Variants in CD101 observed in about 807,000 individuals in gnomAD.
The protein encoded by CD101 is immunoglobulin superfamily member 2.
Under a neutral mutation model 98.2 loss-of-function variants are expected in CD101, and 76 were observed. The observed-to-expected ratio is 0.77, with a 90% CI of 0.64 to 0.94. The LOEUF (loss-of-function observed/expected upper bound fraction) is 0.94. Among genes scored for constraint, CD101 ranks in the 40% least tolerant of loss-of-function variants. CD101 has a pLI of 0.00. For missense variants in CD101, 1,145 were observed against 1,218.8 expected (o/e 0.94, Z 0.90); for synonymous variants, 471 against 472.7 (o/e 1.00, Z 0.05).
chr1:117,014,347 C>A (rs906292056), intron 4 of CD101, among the ~76,000 whole-genome samples: 2 of 152,038 alleles, frequency 1.3e-5, no homozygotes, highest in African/African-American at 4.8e-5. Context: ...TGTTAGTCTC[C>A]TACTATGTTG....
intron 4 of CD101, among the ~76,000 whole-genome samples, chr1:117,015,251 A>T (rs1653133357): frequency 6.6e-6 from 1 of 152,224 alleles, no homozygotes; most frequent in African/African-American, 2.4e-5. Flanking sequence ...GAATATTTTA[A>T]TCACTCATTA....
At position 117,011,881 on chromosome 1, in the gene CD101, G is replaced by A. The variant is rs368602990; in HGVS notation, c.756G>A (p.Thr252=). 5.0e-6 allele frequency: 8 copies of A among 1,613,954 alleles called. No homozygotes were observed. Among genetic ancestry groups the A allele is most frequent in the Middle Eastern group, 1.6e-4 (1 of 6,084 alleles). Residue 252 remains threonine (T), a synonymous_variant, in exon 3 of 10, where the codon ACG becomes ACA. Transcript: ENST00000682167. ...AGGGTCAGCTGTTCTGTGAGGCAACGGAATGGATTCAGGATCCAGATGAAA... is the reference window on the plus strand; with the variant it reads ...AGGGTCAGCTGTTCTGTGAGGCAACAGAATGGATTCAGGATCCAGATGAAA... ...SDQGQLFCEA[T]EWIQDPDETW...
In CD101 at chr1:117,006,920, G is replaced by A. The variant is rs1652568995; in HGVS notation, c.44-2930G>A. Among the ~76,000 whole-genome samples, 1 of 152,096 alleles carries A rather than the reference G, an allele frequency of 6.6e-6. No homozygotes were observed. The highest frequency in any genetic ancestry group is 6.5e-5 in the Admixed American group (1 of 15,272). On this transcript the variant is annotated intron_variant, in intron 1 of 9. Transcript: ENST00000682167. This position sits in a 1 kb window ranked among gnomAD's most constrained non-coding sequence, Gnocchi z 4.4. ...ATTTATTGAATTGGCAAATAAAGCA[G>A]TAGAAAAAGAAGTGCGTGTTTTCAC... is the stretch of plus-strand genomic sequence containing the variant.
chr1:117,004,027 G>T lies in CD101; in HGVS notation c.43+2167G>T, dbSNP rs1158549382. The stretch of plus-strand genomic sequence containing the variant: ...GACTGAACAATCCTGATAGAAAATG[G>T]TGCCATATGAGATTAATGTCATGGG... On this transcript the variant is annotated intron_variant, in intron 1 of 9. Transcript: ENST00000682167. This position sits in a 1 kb window ranked among gnomAD's most constrained non-coding sequence, Gnocchi z 4.1. Among the ~76,000 whole-genome samples the T allele has an allele frequency of 1.3e-5, 2 of 152,034 alleles. No individual in the cohort carries two copies. The highest frequency in any genetic ancestry group is 2.4e-5 in the African/African-American group (1 of 41,370).
chr1:117,022,866 C>T lies in CD101; in HGVS notation c.2428+883C>T, dbSNP rs1653669532. ...GCAGAACAGCAGCTTGGTTTGGGGT[C>T]TCTTCCTGCCCTCTGGCTTCCCTTC... On this transcript the variant is annotated intron_variant, in intron 7 of 9. Transcript: ENST00000682167. The surrounding 1 kb of genome is among the most constrained non-coding windows in gnomAD (Gnocchi z 4.8). Among the ~76,000 whole-genome samples, 1 of 152,186 alleles carries T rather than the reference C, an allele frequency of 6.6e-6. No individual in the cohort carries two copies. Among genetic ancestry groups the T allele is most frequent in the African/African-American group, 2.4e-5 (1 of 41,438 alleles).
At position 117,001,833 on chromosome 1, in the gene CD101, T is replaced by C; in HGVS notation, c.16T>C (p.Tyr6His). 6.2e-7 allele frequency: 1 copy of C among 1,614,186 alleles called. No individual in the cohort carries two copies. The highest frequency in any genetic ancestry group is 8.5e-7 in the Non-Finnish European group (1 of 1,179,992). MAGIS[Y>H]VASFFLLLTK... is the part of the protein sequence containing the mutation. ...GCTGGCCCAAATGGCAGGCATCTCA[T>C]ATGTGGCATCTTTCTTTCTCCTTCT... Residue 6 changes from tyrosine to histidine, a missense_variant, in exon 1 of 10, where the codon TAT becomes CAT. Transcript: ENST00000682167.
chr1:117,030,515 G>A lies in CD101; in HGVS notation c.2825-3345G>A, dbSNP rs144763100. The stretch of plus-strand genomic sequence containing the variant: ...GAGAAAGGGAAAGGGGAGAAGGGAA[G>A]ATAAGGAAGTGGATTCTTGAAGGAG... On this transcript the variant is annotated intron_variant, in intron 8 of 9. Transcript: ENST00000682167. Among the ~76,000 whole-genome samples, 183 of 152,170 alleles carry A rather than the reference G, an allele frequency of 1.2e-3. 1 individual carries two copies. Among genetic ancestry groups the A allele is most frequent in the African/African-American group, 4.1e-3 (172 of 41,530 alleles).
In CD101 at chr1:117,023,747, C is replaced by A. The variant is rs1421156716; in HGVS notation, c.2429-1762C>A. On this transcript the variant is annotated intron_variant, in intron 7 of 9. Coordinates refer to ENST00000682167, the MANE Select transcript of CD101 (RefSeq NM_001256106.3). The surrounding 1 kb of genome is among the most constrained non-coding windows in gnomAD (Gnocchi z 4.4). The stretch of plus-strand genomic sequence containing the variant: ...CTCTTAAAATACTGCAAGTGTCAAG[C>A]AGAACATACCTGTGGGCTTGGTGTG... Among the ~76,000 whole-genome samples, 1 of 152,008 alleles carries A rather than the reference C, an allele frequency of 6.6e-6. No homozygotes were observed. The highest frequency in any genetic ancestry group is 2.4e-5 in the African/African-American group (1 of 41,388).
Position 117,010,614 on chromosome 1 carries a change from C to T in CD101, c.424+384C>T, listed in dbSNP as rs1409072273. Among the ~76,000 whole-genome samples, 3 of 152,196 alleles carry T rather than the reference C, an allele frequency of 2.0e-5. No homozygotes were observed. Among genetic ancestry groups the T allele is most frequent in the Non-Finnish European group, 4.4e-5 (3 of 68,032 alleles). Reference sequence around the variant, plus strand: ...GGTACCATAGGTGATAAGTCATTAACTTAGAAATGATAATTCTCAAACTAC... The same window carrying T: ...GGTACCATAGGTGATAAGTCATTAATTTAGAAATGATAATTCTCAAACTAC... On this transcript the variant is annotated intron_variant, in intron 2 of 9. Transcript: ENST00000682167. This position sits in a 1 kb window ranked among gnomAD's most constrained non-coding sequence, Gnocchi z 5.2.
chr1:117,013,258 T>A (rs1652994252), intron 3 of CD101, 148 bp from the exon 4 acceptor site: 1 of 915,406 alleles, frequency 1.1e-6, no homozygotes, highest in South Asian at 2.0e-5. Flanking sequence ...GATTTTGTTT[T>A]TTTTGGGTTT....
intron 7 of CD101, 106 bp from the exon 8 acceptor site, chr1:117,025,403 A>G (rs1653843803): frequency 2.2e-6 from 2 of 907,842 alleles, no homozygotes; most frequent in Admixed American, 2.7e-5. Flanking sequence ...GAATGCACTG[A>G]TGTCTAAAGA....
At chr1:117,003,987 T>G (rs1190364305) in intron 1 of CD101, among the ~76,000 whole-genome samples, 1 of 152,260 alleles carries the variant, frequency 6.6e-6, no homozygotes, top group East Asian at 1.9e-4. Flanking sequence ...CCAATTTTTT[T>G]TTAGTAAATA....
At chr1:117,029,916 A>G (rs1177809405) in intron 8 of CD101, among the ~76,000 whole-genome samples, 1 of 152,230 alleles carries the variant, frequency 6.6e-6, no homozygotes, top group Admixed American at 6.5e-5. Context: ...TGACTAAGCT[A>G]TGGCAGAGAC....
chr1:117,029,599 G>C (rs914518444), intron 8 of CD101, among the ~76,000 whole-genome samples: 1 of 152,260 alleles, frequency 6.6e-6, no homozygotes, highest in Non-Finnish European at 1.5e-5. Flanking sequence ...TGTCTCATTA[G>C]TAGCACTAGC....
rs925379462 is a variant in CD101, at chr1:117,017,100, G to A, written c.1239G>A (p.Val413=). The A allele has an allele frequency of 6.2e-7, 1 of 1,613,390 alleles. No homozygotes were observed. Among genetic ancestry groups the A allele is most frequent in the Non-Finnish European group, 8.5e-7 (1 of 1,179,552 alleles). ...ATCTGTAACTCACAGCAAGAAGTGT[G>A]GTCATGTCTACCAAGAACAAGCAGC... ...VHLRKPAARS[V]VMSTKNKQQV... Residue 413 remains valine (V), a synonymous_variant, in exon 5 of 10, where the codon GTG becomes GTA. Transcript: ENST00000682167.
At chr1:117,031,254 C>T (rs1236372565) in intron 8 of CD101, among the ~76,000 whole-genome samples, 1 of 152,192 alleles carries the variant, frequency 6.6e-6, no homozygotes, top group African/African-American at 2.4e-5. Flanking sequence ...GCAGCCTCTT[C>T]CCCACCAAGA....
At position 117,033,609 on chromosome 1, in the gene CD101, T is replaced by C. The variant is rs930514806; in HGVS notation, c.2825-251T>C. 6.6e-6 allele frequency among the ~76,000 whole-genome samples: 1 copy of C among 152,150 alleles called. No homozygotes were observed. Among genetic ancestry groups the C allele is most frequent in the Non-Finnish European group, 1.5e-5 (1 of 68,026 alleles). ...TTTCATTTTGGCTGTTAGTTTTAAG[T>C]AGGTCATTGGAACCTCCAGTGGTTG... On this transcript the variant is annotated intron_variant, in intron 8 of 9. Transcript: ENST00000682167. The surrounding 1 kb of genome is among the most constrained non-coding windows in gnomAD (Gnocchi z 4.8).
rs1654562673 is a variant in CD101, at chr1:117,033,066, A to G, written c.2825-794A>G. On this transcript the variant is annotated intron_variant, in intron 8 of 9. Coordinates refer to ENST00000682167, the MANE Select transcript of CD101 (RefSeq NM_001256106.3). This position sits in a 1 kb window ranked among gnomAD's most constrained non-coding sequence, Gnocchi z 4.8. Reference sequence around the variant, plus strand: ...ATGGCACTATCAGACATACTCAAGTAACTATAGTGAACAAAGGAGACGAGT... The same window carrying G: ...ATGGCACTATCAGACATACTCAAGTGACTATAGTGAACAAAGGAGACGAGT... 1 of 152,344 alleles carries G rather than the reference A, an allele frequency of 6.6e-6. No homozygotes were observed. 9.4% of individuals were successfully genotyped at this position (152,344 alleles called of 1,614,324 possible). A position where few individuals can be genotyped will look rare whatever the true frequency, so the allele number is the denominator to read the frequency against.
At chr1:117,008,713 T>C (rs991348734) in intron 1 of CD101, among the ~76,000 whole-genome samples, 2 of 152,210 alleles carry the variant, frequency 1.3e-5, no homozygotes, top group Admixed American at 6.5e-5. Flanking sequence ...TCCTTTTTCC[T>C]TTCCCTCACT....
Sources: allele counts gnomAD v4.1 joint callset (sites outside exome capture counted in the v4.1 genomes callset), GRCh38; gene constraint gnomAD v4.1.1; non-coding constraint Gnocchi (gnomAD v3.1); transcripts MANE v1.5; gene names NCBI Gene and HGNC (gene_info 2026-07-23, HGNC 2026-07-21).